The following ANP32A variants were observed in gnomAD, a reference collection of about 807,000 sequenced individuals.
The protein encoded by ANP32A is acidic leucine-rich nuclear phosphoprotein 32 family member A.
A neutral mutation model predicts 33.9 loss-of-function variants in ANP32A; 1 was observed. The observed-to-expected ratio is 0.03, with a 90% CI of 0.01 to 0.14. ANP32A has a LOEUF of 0.14. Among genes scored for constraint, ANP32A ranks in the 10% least tolerant of loss-of-function variants. ANP32A has a pLI of 1.00. For synonymous variants in ANP32A, 115 were observed against 120.5 expected (o/e 0.95, Z 0.30); for missense variants, 155 against 306.0 (o/e 0.51, Z 3.68).
At chr15:68,819,788 C>T (rs1470664948) in intron 1 of ANP32A, among the ~76,000 whole-genome samples, 1 of 152,216 alleles carries the variant, frequency 6.6e-6, no homozygotes, top group Non-Finnish European at 1.5e-5. Flanking sequence ...CCAGCGATCG[C>T]TGGAGGCAGG....
chr15:68,784,172 AG>A (rs1893904146), intron 4 of ANP32A: 2 of 589,442 alleles, frequency 3.4e-6, no homozygotes, highest in Non-Finnish European at 6.0e-6. Flanking sequence ...TTGTTCTTTT[AG>A]GGAAGTCAAC....
At position 68,820,885 on chromosome 15, in the gene ANP32A, C is replaced by G; in HGVS notation, c.-134G>C. The G allele has an allele frequency of 9.4e-7, 1 of 1,061,528 alleles. No individual in the cohort carries two copies. The highest frequency in any genetic ancestry group is 2.6e-5 in the East Asian group (1 of 38,764). The allele number at this position is 1,061,528 out of a possible 1,614,324, so 65.8% of individuals were successfully genotyped here. Reference sequence around the variant, plus strand: ...TCGGTTCTCGAGCCCCCAGCACCCGCGGCGCACACTAACCTGATCGCCGTG... The same window carrying G: ...TCGGTTCTCGAGCCCCCAGCACCCGGGGCGCACACTAACCTGATCGCCGTG... On this transcript the variant is annotated 5_prime_UTR_variant, in exon 1 of 7. Coordinates refer to ENST00000465139, the MANE Select transcript of ANP32A (RefSeq NM_006305.4).
In ANP32A at chr15:68,787,409, T is replaced by C; in HGVS notation, c.327+4A>G. 1 of 1,614,186 alleles carries C rather than the reference T, an allele frequency of 6.2e-7. No homozygotes were observed. The highest frequency in any genetic ancestry group is 8.5e-7 in the Non-Finnish European group (1 of 1,180,018). On this transcript the variant is annotated splice_donor_region_variant and intron_variant, in intron 3 of 6. Coordinates refer to ENST00000465139, the MANE Select transcript of ANP32A (RefSeq NM_006305.4). ...GCAGGGAGGGGAGGGTCCGAATGACTTACCAGTGGCTCTATTGTGCTGAGG... is the reference window on the plus strand; with the variant it reads ...GCAGGGAGGGGAGGGTCCGAATGACCTACCAGTGGCTCTATTGTGCTGAGG...
chr15:68,796,715 C>T (rs1477167866), intron 1 of ANP32A, among the ~76,000 whole-genome samples: 1 of 152,128 alleles, frequency 6.6e-6, no homozygotes, highest in Non-Finnish European at 1.5e-5. Flanking sequence ...GCTTGTCAGG[C>T]ACTCTGATGA....
At chr15:68,804,836 A>G (rs1894193441) in intron 1 of ANP32A, among the ~76,000 whole-genome samples, 1 of 152,258 alleles carries the variant, frequency 6.6e-6, no homozygotes, top group African/African-American at 2.4e-5. Context: ...AGAAGCTTCA[A>G]GAAAAACAGT....
At chr15:68,809,163 C>G (rs1894279792) in intron 1 of ANP32A, among the ~76,000 whole-genome samples, 1 of 152,162 alleles carries the variant, frequency 6.6e-6, no homozygotes, top group South Asian at 2.1e-4. Flanking sequence ...ACAGCCTAAA[C>G]AAAGAGCACC....
chr15:68,787,986 A>G (rs763849472), intron 1 of ANP32A, 67 bp from the exon 2 acceptor site: 105 of 1,593,272 alleles, frequency 6.6e-5, no homozygotes, highest in Non-Finnish European at 8.2e-5. Flanking sequence ...AGGGTGTTAG[A>G]GGACTCCTCA....
chr15:68,800,742 T>G, intron 1 of ANP32A, among the ~76,000 whole-genome samples: 1 of 3,368 alleles, frequency 3.0e-4, no homozygotes, highest in South Asian at 5.9e-3. Flanking sequence ...AGACTCCGTC[T>G]CAAAAAAAAA....
chr15:68,788,272 T>G (rs1398248084), intron 1 of ANP32A, among the ~76,000 whole-genome samples: 1 of 152,068 alleles, frequency 6.6e-6, no homozygotes, highest in Admixed American at 6.6e-5. Context: ...GCTCTCGCAT[T>G]CTCCCAAAAC....
At chr15:68,808,954 C>T (rs1160872677) in intron 1 of ANP32A, among the ~76,000 whole-genome samples, 1 of 152,218 alleles carries the variant, frequency 6.6e-6, no homozygotes, top group Non-Finnish European at 1.5e-5. Context: ...TTCCAGCCCA[C>T]ACATCCTGCC....
intron 1 of ANP32A, among the ~76,000 whole-genome samples, chr15:68,792,606 C>G (rs1056287509): frequency 6.6e-6 from 1 of 152,208 alleles, no homozygotes; most frequent in African/African-American, 2.4e-5. Flanking sequence ...CTTTACAGAT[C>G]TCTCAAATTT....
intron 1 of ANP32A, among the ~76,000 whole-genome samples, chr15:68,815,599 C>T (rs1472357231): frequency 6.6e-6 from 1 of 152,170 alleles, no homozygotes; most frequent in Non-Finnish European, 1.5e-5. Context: ...TTGGTGATTG[C>T]TGTGGTACTC....
intron 1 of ANP32A, among the ~76,000 whole-genome samples, chr15:68,805,371 C>T (rs1231963616): frequency 6.6e-6 from 1 of 152,234 alleles, no homozygotes; most frequent in Admixed American, 6.5e-5. Context: ...TCAACCGTCA[C>T]AAATGTGTTT....
chr15:68,813,377 T>C (rs62008240), intron 1 of ANP32A, among the ~76,000 whole-genome samples: 2,295 of 152,354 alleles, frequency 0.015, 28 homozygotes, highest in Non-Finnish European at 0.026. Flanking sequence ...TTTGCTCATC[T>C]AGTTTCAACA....
intron 1 of ANP32A, among the ~76,000 whole-genome samples, chr15:68,806,246 T>G (rs1894221215): frequency 1.3e-5 from 2 of 152,138 alleles, no homozygotes; most frequent in Non-Finnish European, 2.9e-5. Flanking sequence ...TCTGGTACAG[T>G]GGGTGCCTCT....
chr15:68,805,435 T>C (rs1188748842), intron 1 of ANP32A, among the ~76,000 whole-genome samples: 1 of 152,230 alleles, frequency 6.6e-6, no homozygotes, highest in Non-Finnish European at 1.5e-5. Flanking sequence ...TGTATTATTG[T>C]TAATAAATGC....
chr15:68,800,612 C>T (rs372202936), intron 1 of ANP32A, among the ~76,000 whole-genome samples: 18 of 126,326 alleles, frequency 1.4e-4, no homozygotes, highest in African/African-American at 2.0e-4. Context: ...GGTGTGGTGG[C>T]GGGCACCTGT....
In ANP32A at chr15:68,800,327, C is replaced by T. The variant is rs868575656; in HGVS notation, c.55-12408G>A. Among the ~76,000 whole-genome samples the T allele has an allele frequency of 4.0e-5, 6 of 151,858 alleles. No homozygotes were observed. The South Asian group carries it at 1.0e-3, about 26-fold the overall frequency. On this transcript the variant is annotated intron_variant, in intron 1 of 6. Coordinates refer to ENST00000465139, the MANE Select transcript of ANP32A (RefSeq NM_006305.4). ...GTACTATGCTAGGTGTTAAAGATAC[C>T]GTGGTAAACAAAACTAGGTGCCTGT... is the stretch of plus-strand genomic sequence containing the variant.
At position 68,816,077 on chromosome 15, in the gene ANP32A, G is replaced by A. The variant is rs184403872; in HGVS notation, c.54+4621C>T. ...TGTGCTAAAGCAAACTCAGTGCAAG[G>A]CTTCATAAAATGATAATCCACAGCC... On this transcript the variant is annotated intron_variant, in intron 1 of 6. Coordinates refer to ENST00000465139, the MANE Select transcript of ANP32A (RefSeq NM_006305.4). 4.8e-4 allele frequency among the ~76,000 whole-genome samples: 73 copies of A among 152,214 alleles called. No homozygotes were observed. In the East Asian group the frequency reaches 6.9e-3, roughly 14 times the overall value.
Sources: allele counts gnomAD v4.1 joint callset (sites outside exome capture counted in the v4.1 genomes callset), GRCh38; gene constraint gnomAD v4.1.1; transcripts MANE v1.5; gene names NCBI Gene and HGNC (gene_info 2026-07-23, HGNC 2026-07-21).